The following HMGCLL1 variants were observed in gnomAD, a reference collection of about 807,000 sequenced individuals.
The protein encoded by HMGCLL1 is 3-hydroxymethyl-3-methylglutaryl-CoA lyase, cytoplasmic.
HMGCLL1 carries 36 observed loss-of-function variants against 39.1 expected under a neutral mutation model. That is an observed-to-expected ratio of 0.92 (90% CI 0.71 to 1.22). HMGCLL1 has a LOEUF of 1.22. HMGCLL1 is among the 50% of genes most tolerant of loss of function. HMGCLL1 has a pLI of 0.00. For synonymous variants in HMGCLL1, 149 were observed against 144.0 expected (o/e 1.03, Z -0.25); for missense variants, 451 against 416.5 (o/e 1.08, Z -0.72).
chr6:55,517,060 C>T (rs973295002), intron 3 of HMGCLL1, among the ~76,000 whole-genome samples: 1 of 152,006 alleles, frequency 6.6e-6, no homozygotes, highest in African/African-American at 2.4e-5. Context: ...TTCTTTAGAA[C>T]AGTTTAACAA....
chr6:55,616,722 A>C, the HMGCLL1 span, among the ~76,000 whole-genome samples: 344 of 152,206 alleles, frequency 2.3e-3, no homozygotes, highest in African/African-American at 7.7e-3. Flanking sequence ...ATATGAGAAA[A>C]ACAATAATAT....
At chr6:55,505,403 A>T (rs972788359) in intron 5 of HMGCLL1, among the ~76,000 whole-genome samples, 1 of 151,732 alleles carries the variant, frequency 6.6e-6, no homozygotes, top group Non-Finnish European at 1.5e-5. Flanking sequence ...CTATAAACAT[A>T]GGAGCTACTT....
intron 1 of HMGCLL1, among the ~76,000 whole-genome samples, chr6:55,548,806 A>C (rs1770143165): frequency 1.3e-5 from 2 of 150,338 alleles, no homozygotes; most frequent in South Asian, 4.1e-4. Flanking sequence ...AGAGAAAATG[A>C]AGAATATTAA....
chr6:55,460,419 C>A (rs959625110), intron 7 of HMGCLL1, among the ~76,000 whole-genome samples: 3 of 151,824 alleles, frequency 2.0e-5, no homozygotes, highest in Non-Finnish European at 4.4e-5. Flanking sequence ...AATTGAAACT[C>A]ATAGAAAGCA....
chr6:55,655,433 T>G, the HMGCLL1 span, among the ~76,000 whole-genome samples: 1 of 151,902 alleles, frequency 6.6e-6, no homozygotes, highest in African/African-American at 2.4e-5. Context: ...TAATTTATAT[T>G]TCTACTGGAT....
the HMGCLL1 span, among the ~76,000 whole-genome samples, chr6:55,610,370 G>A: frequency 2.0e-5 from 3 of 151,982 alleles, no homozygotes; most frequent in South Asian, 2.1e-4. Context: ...TACACAGCAC[G>A]AGAATTTCAT....
the HMGCLL1 span, among the ~76,000 whole-genome samples, chr6:55,671,159 G>C: frequency 6.6e-6 from 1 of 151,664 alleles, no homozygotes; most frequent in Non-Finnish European, 1.5e-5. Context: ...TTTGAGTATG[G>C]GCTGAAGCAG....
intron 7 of HMGCLL1, among the ~76,000 whole-genome samples, chr6:55,489,920 C>T (rs1047828026): frequency 2.6e-5 from 4 of 152,056 alleles, no homozygotes; most frequent in Admixed American, 2.0e-4. Context: ...ATGCAATTAT[C>T]CCAATATCGT....
the HMGCLL1 span, among the ~76,000 whole-genome samples, chr6:55,610,315 A>G: frequency 6.6e-6 from 1 of 152,210 alleles, no homozygotes; most frequent in South Asian, 2.1e-4. Flanking sequence ...GTTATCTAGA[A>G]TAACCACTTT....
chr6:55,537,240 G>T (rs1581914930), intron 3 of HMGCLL1, among the ~76,000 whole-genome samples: 1 of 152,078 alleles, frequency 6.6e-6, no homozygotes, highest in East Asian at 1.9e-4. Context: ...AACATTTAAT[G>T]TGTTATATAG....
At chr6:55,650,116 T>TACACACATATAC in the HMGCLL1 span, among the ~76,000 whole-genome samples, 1 of 79,456 alleles carries the variant, frequency 1.3e-5, no homozygotes, top group Non-Finnish European at 2.3e-5. Flanking sequence ...TATATATATA[T>TACACACATATAC]ATATATATAT....
chr6:55,463,280 C>T (rs1420294301), intron 7 of HMGCLL1, among the ~76,000 whole-genome samples: 1 of 152,038 alleles, frequency 6.6e-6, no homozygotes, highest in South Asian at 2.1e-4. Flanking sequence ...AAACCGCCTA[C>T]CTCGGCCTCC....
chr6:55,561,938 T>A (rs1019104947), intron 1 of HMGCLL1, among the ~76,000 whole-genome samples: 1 of 152,166 alleles, frequency 6.6e-6, no homozygotes, highest in Admixed American at 6.6e-5. Flanking sequence ...TTATAAACTA[T>A]AACACAAATG....
chr6:55,665,551 C>G, the HMGCLL1 span, among the ~76,000 whole-genome samples: 2 of 151,720 alleles, frequency 1.3e-5, no homozygotes, highest in Non-Finnish European at 3.0e-5. Flanking sequence ...GGTTGTTTCA[C>G]TAAGTACATT....
intron 7 of HMGCLL1, among the ~76,000 whole-genome samples, chr6:55,477,386 TAAATA>T (rs1765482351): frequency 3.2e-5 from 1 of 31,586 alleles, no homozygotes; most frequent in South Asian, 7.2e-4. Context: ...ATATATTATC[TAAATA>T]TAATATATAT....
intron 3 of HMGCLL1, among the ~76,000 whole-genome samples, chr6:55,535,987 G>T (rs1338970839): frequency 6.6e-6 from 1 of 152,062 alleles, no homozygotes; most frequent in African/African-American, 2.4e-5. Context: ...ACTGGACTTG[G>T]TAGCAGAAGG....
the HMGCLL1 span, among the ~76,000 whole-genome samples, chr6:55,657,205 G>C: frequency 1.3e-5 from 2 of 151,892 alleles, no homozygotes; most frequent in Admixed American, 1.3e-4. Flanking sequence ...TTAGTTTAAA[G>C]AGATCCCATT....
the HMGCLL1 span, among the ~76,000 whole-genome samples, chr6:55,589,601 G>A: frequency 6.6e-6 from 1 of 152,142 alleles, no homozygotes; most frequent in Non-Finnish European, 1.5e-5. Flanking sequence ...AGGAAAAGAG[G>A]AAGTCAAGTT....
Position 55,543,221 on chromosome 6 carries a change from A to ATT in HMGCLL1, c.109-1082_109-1081insAA, listed in dbSNP as rs1291450347. Among the ~76,000 whole-genome samples, 14 of 15,596 alleles carry ATT rather than the reference A, an allele frequency of 9.0e-4. 2 individuals are homozygous for ATT. Among genetic ancestry groups the ATT allele is most frequent in the African/African-American group, 1.5e-3 (8 of 5,364 alleles). 10.2% of individuals were successfully genotyped at this position (15,596 alleles called of 152,430 possible). The stretch of plus-strand genomic sequence containing the variant: ...ATATATTATATATTATATATTATAT[A>ATT]ATATATAATATAGATATAATATAGA... On this transcript the variant is annotated intron_variant, in intron 1 of 8. Transcript: ENST00000274901.
Sources: allele counts gnomAD v4.1 joint callset (sites outside exome capture counted in the v4.1 genomes callset), GRCh38; gene constraint gnomAD v4.1.1; transcripts MANE v1.5; gene names NCBI Gene and HGNC (gene_info 2026-07-23, HGNC 2026-07-21).